The following FREM3 variants were observed in gnomAD, a reference collection of about 807,000 sequenced individuals.
FREM3 encodes the protein FRAS1 related extracellular matrix 3.
In FREM3, 105 loss-of-function variants were observed where a neutral mutation model predicts 129.1. That is an observed-to-expected ratio of 0.81 (90% CI 0.69 to 0.96). The LOEUF (loss-of-function observed/expected upper bound fraction) is 0.96, where lower values mean the gene tolerates loss of function less well. Among genes scored for constraint, FREM3 ranks in the 40% least tolerant of loss-of-function variants. The pLI is 0.00. For synonymous variants in FREM3, 1,014 were observed against 1,044.9 expected, an observed-to-expected ratio of 0.97 and a Z score of 0.57; for missense variants, 2,593 against 2,666.3, an observed-to-expected ratio of 0.97 and a Z score of 0.61.
chr4:143,621,319 T>C (rs568196138), intron 4 of FREM3, among the ~76,000 whole-genome samples, 157 bp from the exon 5 acceptor site: 17 of 152,302 alleles, frequency 1.1e-4, no homozygotes, highest in Non-Finnish European at 2.4e-4. Flanking sequence ...TTATTTATTA[T>C]TGAGTGGAGC....
At chr4:143,607,264 CT>C (rs1364888436) in intron 6 of FREM3, among the ~76,000 whole-genome samples, 3 of 152,152 alleles carry the variant, frequency 2.0e-5, no homozygotes, top group Non-Finnish European at 4.4e-5. Flanking sequence ...TCATTTATGA[CT>C]TTGCTCAAGC....
intron 6 of FREM3, among the ~76,000 whole-genome samples, chr4:143,592,517 T>C (rs1738384756): frequency 6.6e-6 from 1 of 152,220 alleles, no homozygotes; most frequent in African/African-American, 2.4e-5. Flanking sequence ...TTTGGCTGGA[T>C]ATGAAATTCT....
At chr4:143,591,635 T>A (rs184354403) in intron 6 of FREM3, among the ~76,000 whole-genome samples, 3,993 of 152,252 alleles carry the variant, frequency 0.026, 78 homozygotes, top group Non-Finnish European at 0.037. Context: ...TCTTTTACAT[T>A]TTCTGAGGAG....
At chr4:143,618,823 G>C (rs1283022804) in intron 5 of FREM3, among the ~76,000 whole-genome samples, 1 of 152,134 alleles carries the variant, frequency 6.6e-6, no homozygotes, top group Non-Finnish European at 1.5e-5. Context: ...TTGAGCCCAG[G>C]AGTTTGATCC....
chr4:143,672,449 G>A (rs1307203373), intron 2 of FREM3, among the ~76,000 whole-genome samples: 1 of 152,220 alleles, frequency 6.6e-6, no homozygotes, highest in African/African-American at 2.4e-5. Flanking sequence ...GTATGAAAAA[G>A]CATATGTTTC....
intron 6 of FREM3, among the ~76,000 whole-genome samples, chr4:143,595,786 G>T (rs1359509075): frequency 1.3e-5 from 2 of 151,486 alleles, no homozygotes; most frequent in Non-Finnish European, 2.9e-5. Flanking sequence ...TACTTGGGAG[G>T]CTGAGGCAGA....
Position 143,698,950 on chromosome 4 carries a change from C to A in FREM3, c.1726G>T (p.Asp576Tyr). ...TCCAGCACAAAGTGGATGGTTGAGT[C>A]CTCAGAGTCAATATCAGTAGCACTC... ...VLSATDIDSEDSTIHFVLENQ... is the reference protein window; with the variant it reads ...VLSATDIDSEYSTIHFVLENQ... Residue 576 changes from aspartate (D) to tyrosine (Y), a missense_variant, in exon 1 of 8, where the codon GAC becomes TAC. This residue lies in a region of FREM3 where 2,276 missense variants were observed against 2,267.2 expected (regional missense o/e 1.00). Coordinates refer to ENST00000329798, the MANE Select transcript of FREM3 (RefSeq NM_001168235.2). 1 of 1,537,198 alleles carries A rather than the reference C, an allele frequency of 6.5e-7. No individual in the cohort carries two copies. Among genetic ancestry groups the A allele is most frequent in the Non-Finnish European group, 8.7e-7 (1 of 1,146,916 alleles).
chr4:143,666,979 CAAG>C (rs1308554861), intron 2 of FREM3, among the ~76,000 whole-genome samples: 1 of 152,034 alleles, frequency 6.6e-6, no homozygotes, highest in African/African-American at 2.4e-5. Context: ...AATTATATCT[CAAG>C]AAAACTGTTA....
chr4:143,676,191 C>A (rs1032180810), intron 2 of FREM3, among the ~76,000 whole-genome samples: 4 of 152,054 alleles, frequency 2.6e-5, no homozygotes, highest in Admixed American at 6.6e-5. Flanking sequence ...AGCTTATCCA[C>A]CATGATCAAG....
chr4:143,596,230 G>T (rs915028303), intron 6 of FREM3, among the ~76,000 whole-genome samples: 1 of 152,158 alleles, frequency 6.6e-6, no homozygotes, highest in Non-Finnish European at 1.5e-5. Flanking sequence ...AAAGGTGTTT[G>T]GTTTTTGTTT....
intron 2 of FREM3, among the ~76,000 whole-genome samples, chr4:143,682,798 T>C (rs1408683784): frequency 2.6e-5 from 4 of 152,206 alleles, no homozygotes; most frequent in Admixed American, 2.6e-4. Context: ...TTAATACTTG[T>C]GGTAGAGAAC....
chr4:143,678,468 C>T (rs1291742854), intron 2 of FREM3, among the ~76,000 whole-genome samples: 1 of 151,896 alleles, frequency 6.6e-6, no homozygotes, highest in Admixed American at 6.6e-5. Flanking sequence ...TGCAGCACAT[C>T]AACATGACAC....
Position 143,585,976 on chromosome 4 carries a change from C to G in FREM3, c.6046G>C (p.Gly2016Arg). ...DRYDEPVLHF[G>R]DAEYHVNESA... Reference sequence around the variant, plus strand: ...TCATTGACGTGATATTCAGCATCCCCAAAGTGCAGGACAGGTTCTAAAGAG... The same window carrying G: ...TCATTGACGTGATATTCAGCATCCCGAAAGTGCAGGACAGGTTCTAAAGAG... The change falls in exon 7 of 8, where the codon GGG (glycine) becomes CGG (arginine). Residue 2016 changes from glycine (G) to arginine (R), a missense_variant. Physicochemically the swap from Gly to Arg is moderately radical, Grantham distance 125. Coordinates refer to ENST00000329798, the MANE Select transcript of FREM3 (RefSeq NM_001168235.2). The surrounding 1 kb of genome is among the most constrained non-coding windows in gnomAD (Gnocchi z 4.2). 6.5e-7 allele frequency: 1 copy of G among 1,537,624 alleles called. No homozygotes were observed. The highest frequency in any genetic ancestry group is 8.7e-7 in the Non-Finnish European group (1 of 1,146,998).
chr4:143,592,369 T>C (rs1738380471), intron 6 of FREM3, among the ~76,000 whole-genome samples: 1 of 151,276 alleles, frequency 6.6e-6, no homozygotes, highest in East Asian at 1.9e-4. Context: ...GTTTTTGCAG[T>C]GGCTGGTACT....
intron 2 of FREM3, among the ~76,000 whole-genome samples, chr4:143,675,619 A>T (rs997054872): frequency 6.6e-5 from 10 of 152,220 alleles, no homozygotes; most frequent in Non-Finnish European, 1.5e-4. Context: ...TTTTGAAAAG[A>T]TCAACAAAAT....
Position 143,699,254 on chromosome 4 carries a change from C to T in FREM3, c.1422G>A (p.Arg474=). 1.3e-6 allele frequency: 2 copies of T among 1,537,310 alleles called. No homozygotes were observed. Among genetic ancestry groups the T allele is most frequent in the Non-Finnish European group, 1.7e-6 (2 of 1,146,932 alleles). Residue 474 remains arginine (R), a synonymous_variant, in exon 1 of 8, where the codon AGG becomes AGA. Coordinates refer to ENST00000329798, the MANE Select transcript of FREM3 (RefSeq NM_001168235.2). The surrounding 1 kb of genome is among the most constrained non-coding windows in gnomAD (Gnocchi z 4.2). ...NLEEVKMAAV[R]GLRHGQLVVF... ...CCACCAGCTGCCCATGTCTCAAGCC[C>T]CTGACTGCAGCCATTTTCACCTCTT...
At chr4:143,594,609 G>C (rs1254079298) in intron 6 of FREM3, among the ~76,000 whole-genome samples, 2 of 152,176 alleles carry the variant, frequency 1.3e-5, no homozygotes, top group East Asian at 1.9e-4. Context: ...TATATTGTGT[G>C]GCATTGGGGA....
intron 2 of FREM3, among the ~76,000 whole-genome samples, chr4:143,661,197 T>G (rs1195541665): frequency 6.6e-6 from 1 of 152,198 alleles, no homozygotes; most frequent in African/African-American, 2.4e-5. Context: ...TTTTGCCCAT[T>G]CAGTATGATA....
intron 2 of FREM3, among the ~76,000 whole-genome samples, chr4:143,658,765 G>C (rs1037657550): frequency 3.9e-5 from 6 of 152,194 alleles, no homozygotes; most frequent in Admixed American, 6.5e-5. Flanking sequence ...TGTGGCCCAA[G>C]ACAATTCTTC....
Sources: allele counts gnomAD v4.1 joint callset (sites outside exome capture counted in the v4.1 genomes callset), GRCh38; gene constraint gnomAD v4.1.1; regional missense constraint gnomAD v4.1.1; non-coding constraint Gnocchi (gnomAD v3.1); transcripts MANE v1.5; gene names NCBI Gene and HGNC (gene_info 2026-07-23, HGNC 2026-07-21).